Variants in ITSN1 observed in about 807,000 individuals in gnomAD.
The protein encoded by ITSN1 is intersectin-1.
ITSN1 carries 58 observed loss-of-function variants against 239.8 expected under a neutral mutation model. That is an observed-to-expected ratio of 0.24 (90% confidence interval 0.20 to 0.30). ITSN1 has a LOEUF of 0.30. Among genes scored for constraint, ITSN1 ranks in the 10% least tolerant of loss-of-function variants. ITSN1 has a pLI of 1.00. For missense variants in ITSN1, 1,558 were observed against 2,103.3 expected (o/e 0.74, Z 5.07); for synonymous variants, 780 against 770.8 (o/e 1.01, Z -0.20).
At chr21:33,886,858 C>T (rs988784038) in intron 39 of ITSN1, among the ~76,000 whole-genome samples, 2 of 152,184 alleles carry the variant, frequency 1.3e-5, no homozygotes, top group Non-Finnish European at 2.9e-5. Flanking sequence ...CAGAATGGGC[C>T]AGGTCCCTTT....
chr21:33,708,955 T>C (rs960458799), intron 1 of ITSN1, among the ~76,000 whole-genome samples: 1 of 152,196 alleles, frequency 6.6e-6, no homozygotes, highest in African/African-American at 2.4e-5. Context: ...TTGCCAAAAA[T>C]CAGTTAACCA....
intron 33 of ITSN1, among the ~76,000 whole-genome samples, chr21:33,869,071 G>T (rs1317428636): frequency 1.3e-5 from 2 of 152,108 alleles, no homozygotes; most frequent in East Asian, 3.9e-4. Context: ...AGTGCCTCTA[G>T]GCCTTGATTT....
At chr21:33,724,933 G>A (rs972534063) in intron 4 of ITSN1, among the ~76,000 whole-genome samples, 1 of 151,834 alleles carries the variant, frequency 6.6e-6, no homozygotes, top group Non-Finnish European at 1.5e-5. Context: ...GGGATTATAG[G>A]TGTGGCCACC....
At chr21:33,657,634 T>C (rs565983130) in intron 1 of ITSN1, among the ~76,000 whole-genome samples, 1 of 152,218 alleles carries the variant, frequency 6.6e-6, no homozygotes, top group Admixed American at 6.5e-5. Context: ...CATCATAAAG[T>C]GTATGGTTGA....
At chr21:33,777,799 T>C (rs1218415425) in intron 14 of ITSN1, among the ~76,000 whole-genome samples, 3 of 152,232 alleles carry the variant, frequency 2.0e-5, no homozygotes, top group African/African-American at 7.2e-5. Context: ...ACTAACTTCC[T>C]TTGTGTGTCT....
chr21:33,818,469 C>A lies in ITSN1; in HGVS notation c.2930C>A (p.Thr977Lys). ...KLISGPIRKS[T>K]SMDSGSSESP... The stretch of plus-strand genomic sequence containing the variant: ...ATTTCAGGGCCCATAAGGAAGTCTA[C>A]AAGGTATTTTTGTATTTATCTGCTT... The change falls in exon 23 of 40, where the codon ACA (threonine) becomes AAA (lysine). Residue 977 changes from threonine (T) to lysine (K), a missense_variant. Around this residue, in one of 2 missense-constraint regions of ITSN1, gnomAD observed 982 missense variants for 1,209.9 expected, o/e 0.81. Transcript: ENST00000381318. 6.2e-7 allele frequency: 1 copy of A among 1,612,800 alleles called. No homozygotes were observed. The highest frequency in any genetic ancestry group is 2.2e-5 in the East Asian group (1 of 44,876).
intron 31 of ITSN1, among the ~76,000 whole-genome samples, chr21:33,863,296 C>G (rs777705570): frequency 5.9e-5 from 9 of 152,222 alleles, no homozygotes; most frequent in Non-Finnish European, 1.2e-4. Flanking sequence ...AAGACAATCA[C>G]TGTCTGCAGA....
Position 33,875,448 on chromosome 21 carries a change from G to A in ITSN1, c.4268G>A (p.Gly1423Glu), listed in dbSNP as rs1983570763. The change falls in exon 34 of 40, where the codon GGG becomes GAG. Residue 1423 changes from glycine to glutamate, a missense_variant. By Grantham distance (98) the Gly-to-Glu change is moderately conservative. Around this residue, in one of 2 missense-constraint regions of ITSN1, gnomAD observed 576 missense variants for 893.3 expected, o/e 0.64. Coordinates refer to ENST00000381318, the MANE Select transcript of ITSN1 (RefSeq NM_003024.3). ...GAGCTCTGTTCCCAGGTGAACGAAG[G>A]GGTGCGGGAGAAGGAGAACTCTGAC... ...AEELCSQVNE[G>E]VREKENSDRL... 6.2e-7 allele frequency: 1 copy of A among 1,614,038 alleles called. No homozygotes were observed. Among genetic ancestry groups the A allele is most frequent in the African/African-American group, 1.3e-5 (1 of 74,906 alleles).
chr21:33,883,404 A>G, intron 35 of ITSN1, 146 bp from the exon 36 acceptor site: 1 of 1,077,382 alleles, frequency 9.3e-7, no homozygotes, highest in Middle Eastern at 2.5e-4. Flanking sequence ...AGGTTACTGA[A>G]ACACACGCAC....
chr21:33,849,252 GAAC>G (rs376313693), intron 29 of ITSN1, among the ~76,000 whole-genome samples: 7 of 145,312 alleles, frequency 4.8e-5, no homozygotes, highest in Non-Finnish European at 1.1e-4. Flanking sequence ...ACAAAAACAA[GAAC>G]AACAACAACA....
At position 33,898,517 on chromosome 21, in the gene ITSN1, G is replaced by A. The variant is rs1043899943; in HGVS notation, c.*10217G>A. 1 of 152,240 alleles carries A rather than the reference G, an allele frequency of 6.6e-6. No homozygotes were observed. The highest frequency in any genetic ancestry group is 2.4e-5 in the African/African-American group (1 of 41,468). The allele number at this position is 152,240 out of a possible 1,614,324, so 9.4% of individuals were successfully genotyped here. A position where few individuals can be genotyped will look rare whatever the true frequency, so the allele number is the denominator to read the frequency against. The stretch of plus-strand genomic sequence containing the variant: ...AGAAGTGCCCCTTAGGCCACCTAAG[G>A]AGGATTCTGTGAAACTCAATGTCTA... On this transcript the variant is annotated 3_prime_UTR_variant, in exon 40 of 40. Transcript: ENST00000381318.
chr21:33,710,380 T>A (rs1484903708), intron 1 of ITSN1, among the ~76,000 whole-genome samples: 4 of 152,198 alleles, frequency 2.6e-5, no homozygotes, highest in African/African-American at 7.2e-5. Flanking sequence ...TGGTTTTTTT[T>A]AATCATGATT....
chr21:33,806,893 A>C (rs1258684818), intron 20 of ITSN1, among the ~76,000 whole-genome samples: 1 of 152,174 alleles, frequency 6.6e-6, no homozygotes, highest in Admixed American at 6.5e-5. Flanking sequence ...CCATAATCTT[A>C]TGTTTTCCAA....
chr21:33,761,122 A>G (rs939700756), intron 8 of ITSN1, among the ~76,000 whole-genome samples: 1 of 150,748 alleles, frequency 6.6e-6, no homozygotes, highest in Admixed American at 6.7e-5. Context: ...GTTGCCCAGG[A>G]TGGAGTGCAG....
At position 33,865,115 on chromosome 21, in the gene ITSN1, G is replaced by A; in HGVS notation, c.3891-36G>A. On this transcript the variant is annotated intron_variant, in intron 31 of 39. Transcript: ENST00000381318. This position sits in a 1 kb window ranked among gnomAD's most constrained non-coding sequence, Gnocchi z 4.4. ...GTGCTGTGGTGCTGTCAGATAGCGT[G>A]AAAGCAGGGGGCTCACCTCCCGTGT... The A allele has an allele frequency of 6.3e-7, 1 of 1,590,076 alleles. No homozygotes were observed. The highest frequency in any genetic ancestry group is 8.6e-7 in the Non-Finnish European group (1 of 1,166,200).
At chr21:33,649,025 G>C (rs1378934377) in intron 1 of ITSN1, among the ~76,000 whole-genome samples, 3 of 152,208 alleles carry the variant, frequency 2.0e-5, no homozygotes, top group East Asian at 1.9e-4. Context: ...AACAGGATTA[G>C]AGTGCTAGAG....
chr21:33,719,002 A>G (rs191740560), intron 2 of ITSN1, 146 bp downstream of exon 2: 10 of 670,472 alleles, frequency 1.5e-5, no homozygotes, highest in African/African-American at 1.5e-4. Flanking sequence ...TTAATTATCA[A>G]CTCATGCCCA....
At chr21:33,839,945 G>T (rs1371151654) in intron 29 of ITSN1, among the ~76,000 whole-genome samples, 1 of 152,094 alleles carries the variant, frequency 6.6e-6, no homozygotes, top group African/African-American at 2.4e-5. Context: ...GAATGATCTG[G>T]CCCCAGATGT....
chr21:33,846,069 G>A (rs960304159), intron 29 of ITSN1, among the ~76,000 whole-genome samples: 3 of 152,214 alleles, frequency 2.0e-5, no homozygotes, highest in Admixed American at 2.0e-4. Flanking sequence ...TGTCCAATAG[G>A]GAGGTGGTGC....
Sources: allele counts gnomAD v4.1 joint callset (sites outside exome capture counted in the v4.1 genomes callset), GRCh38; gene constraint gnomAD v4.1.1; regional missense constraint gnomAD v4.1.1; non-coding constraint Gnocchi (gnomAD v3.1); transcripts MANE v1.5; gene names NCBI Gene and HGNC (gene_info 2026-07-23, HGNC 2026-07-21).